The following FAF1 variants were observed in gnomAD, a reference collection of about 807,000 sequenced individuals.
The protein encoded by FAF1 is Fas associated factor 1.
FAF1 carries 25 observed loss-of-function variants against 92.5 expected under a neutral mutation model. The observed-to-expected ratio is 0.27, with a 90% confidence interval of 0.20 to 0.38. FAF1 has a LOEUF of 0.38. Among genes scored for constraint, FAF1 ranks in the 10% least tolerant of loss-of-function variants. The pLI, the probability that FAF1 is intolerant of heterozygous loss-of-function variation, is 1.00. For synonymous variants in FAF1, 234 were observed against 273.2 expected (o/e 0.86, Z 1.42); for missense variants, 636 against 793.3 (o/e 0.80, Z 2.38).
At chr1:50,457,151 G>GA (rs199757307) in intron 18 of FAF1, among the ~76,000 whole-genome samples, 8,159 of 127,962 alleles carry the variant, frequency 0.064, 479 homozygotes, top group African/African-American at 0.17. Context: ...GAGGGAAAGT[G>GA]AAAAAAAAAA....
intron 15 of FAF1, among the ~76,000 whole-genome samples, chr1:50,504,273 C>T (rs1438756662): frequency 6.7e-6 from 1 of 150,306 alleles, no homozygotes; most frequent in Non-Finnish European, 1.5e-5. Flanking sequence ...TACTAGGAAG[C>T]CTAAAAGAAG....
chr1:50,526,086 ATCG>A (rs1212870231), intron 15 of FAF1, among the ~76,000 whole-genome samples: 1 of 152,180 alleles, frequency 6.6e-6, no homozygotes, highest in African/African-American at 2.4e-5. Flanking sequence ...GGTAATTGAT[ATCG>A]TTTGCGATAT....
chr1:50,650,110 C>A (rs1654788412), intron 8 of FAF1, among the ~76,000 whole-genome samples: 2 of 146,944 alleles, frequency 1.4e-5, no homozygotes, highest in South Asian at 4.3e-4. Flanking sequence ...CATGGAGAAA[C>A]CCCATGTCTA....
intron 1 of FAF1, among the ~76,000 whole-genome samples, chr1:50,906,191 A>G (rs1354505429): frequency 1.3e-5 from 2 of 151,948 alleles, no homozygotes; most frequent in Non-Finnish European, 2.9e-5. Context: ...ATGGTTGTAG[A>G]TGTGTGGTAT....
intron 2 of FAF1, among the ~76,000 whole-genome samples, chr1:50,855,020 T>C (rs1644379809): frequency 6.6e-6 from 1 of 151,548 alleles, no homozygotes; most frequent in Admixed American, 6.6e-5. Flanking sequence ...TGAAAGGAAA[T>C]CCTCGATTGA....
At chr1:50,789,469 G>A (rs1442346485) in intron 3 of FAF1, among the ~76,000 whole-genome samples, 2 of 152,098 alleles carry the variant, frequency 1.3e-5, no homozygotes, top group Non-Finnish European at 2.9e-5. Flanking sequence ...AACCTGTGGT[G>A]TTATCCTTGA....
At chr1:50,641,803 G>A (rs764723455) in intron 8 of FAF1, among the ~76,000 whole-genome samples, 10 of 152,218 alleles carry the variant, frequency 6.6e-5, no homozygotes, top group Middle Eastern at 6.8e-3. Flanking sequence ...TTGGCTTTGC[G>A]TATTTTGAAA....
At chr1:50,598,459 CT>C (rs1156726317) in intron 8 of FAF1, among the ~76,000 whole-genome samples, 263 of 86,018 alleles carry the variant, frequency 3.1e-3, no homozygotes, top group Non-Finnish European at 4.4e-3. Flanking sequence ...AAGAACCTGT[CT>C]TTAAAAAAAA....
intron 6 of FAF1, among the ~76,000 whole-genome samples, chr1:50,710,704 G>C (rs1281812570): frequency 6.6e-6 from 1 of 151,552 alleles, no homozygotes; most frequent in South Asian, 2.1e-4. Context: ...CCGGGTTCAA[G>C]CGATTCTCCT....
chr1:50,940,872 ATC>A lies in FAF1; in HGVS notation c.45+18893_45+18894del, dbSNP rs375466890. On this transcript the variant is annotated intron_variant, in intron 1 of 18. Coordinates refer to ENST00000396153, the MANE Select transcript of FAF1 (RefSeq NM_007051.3). ...TTTTTTGGGAAGATTTTGTTTCTCC[ATC>A]TCTCTATTAGCCTTGGTCAATCCAG... 2.6e-5 allele frequency among the ~76,000 whole-genome samples: 4 copies of A among 152,270 alleles called. 1 individual carries two copies. Among genetic ancestry groups the A allele is most frequent in the African/African-American group, 9.6e-5 (4 of 41,546 alleles).
rs374924889 is a variant in FAF1, at chr1:50,515,593, T to C, written c.1494+19776A>G. On this transcript the variant is annotated intron_variant, in intron 15 of 18. Transcript: ENST00000396153. ...TAACAAAATGGTATTATCATAAAGA[T>C]AGGAACAAAGTGAGTAAGCAAATGT... Among the ~76,000 whole-genome samples the C allele has an allele frequency of 2.0e-4, 30 of 152,288 alleles. No individual in the cohort carries two copies. In the East Asian group the frequency reaches 2.1e-3, roughly 11 times the overall value.
At chr1:50,689,636 T>C (rs1227314006) in intron 7 of FAF1, among the ~76,000 whole-genome samples, 1 of 152,156 alleles carries the variant, frequency 6.6e-6, no homozygotes, top group African/African-American at 2.4e-5. Flanking sequence ...CAAAAACATG[T>C]ACATGAATGT....
chr1:50,936,595 G>T (rs1645087049), intron 1 of FAF1, among the ~76,000 whole-genome samples: 1 of 152,206 alleles, frequency 6.6e-6, no homozygotes, highest in Non-Finnish European at 1.5e-5. Flanking sequence ...GCCTGCCAGT[G>T]AACTCGACCT....
chr1:50,818,507 T>C (rs1643999429), intron 2 of FAF1, among the ~76,000 whole-genome samples: 1 of 152,184 alleles, frequency 6.6e-6, no homozygotes, highest in Non-Finnish European at 1.5e-5. Flanking sequence ...TTGAAGAATA[T>C]TCACACAAAA....
chr1:50,715,822 A>G (rs565020350), intron 6 of FAF1, among the ~76,000 whole-genome samples: 1 of 152,334 alleles, frequency 6.6e-6, no homozygotes, highest in Admixed American at 6.5e-5. Flanking sequence ...TTTTTTAAAA[A>G]GGGGAAAATT....
Position 50,624,796 on chromosome 1 carries a change from A to AT in FAF1, c.745-28581dup, listed in dbSNP as rs1365103235. ...GACCCCAAAGTAGAATCCAACTGTC[A>AT]TAAGTAGATGTGCAATAAAAACATG... On this transcript the variant is annotated intron_variant, in intron 8 of 18. Coordinates refer to ENST00000396153, the MANE Select transcript of FAF1 (RefSeq NM_007051.3). 2.0e-5 allele frequency among the ~76,000 whole-genome samples: 3 copies of AT among 152,154 alleles called. No homozygotes were observed. In the East Asian group the frequency reaches 5.8e-4, roughly 29 times the overall value.
intron 2 of FAF1, among the ~76,000 whole-genome samples, chr1:50,837,123 A>C (rs1014688260): frequency 3.6e-4 from 55 of 151,762 alleles, no homozygotes; most frequent in African/African-American, 1.3e-3. Flanking sequence ...ATGCCCAGCT[A>C]ATTTTTTGTA....
At chr1:50,724,317 A>ACACG in intron 6 of FAF1, among the ~76,000 whole-genome samples, 1 of 150,958 alleles carries the variant, frequency 6.6e-6, no homozygotes, top group Non-Finnish European at 1.5e-5. Flanking sequence ...ACACACACAC[A>ACACG]CACACACACA....
chr1:50,536,741 G>A (rs971624733), intron 14 of FAF1, among the ~76,000 whole-genome samples: 1 of 151,730 alleles, frequency 6.6e-6, no homozygotes, highest in Non-Finnish European at 1.5e-5. Flanking sequence ...TCTAGTACCT[G>A]GAAATTGGCA....
Sources: gnomAD v4.1 joint callset for allele counts (sites outside exome capture counted in the v4.1 genomes callset) on GRCh38, gnomAD v4.1.1 for gene constraint, MANE v1.5 for transcripts, NCBI Gene and HGNC (gene_info 2026-07-23, HGNC 2026-07-21) for gene names.